The following NFAT5 variants were observed in gnomAD, a reference collection of about 807,000 sequenced individuals.
NFAT5 encodes the protein nuclear factor of activated T cells 5.
In NFAT5, 31 loss-of-function variants were observed where a neutral mutation model predicts 166.5. The observed-to-expected ratio is 0.19, with a 90% CI of 0.14 to 0.25. NFAT5 has a LOEUF of 0.25. NFAT5 is among the 10% of genes least tolerant of loss of function. The pLI is 1.00. For synonymous variants in NFAT5, 612 were observed against 639.7 expected (o/e 0.96, Z 0.65); for missense variants, 1,449 against 1,821.8 (o/e 0.80, Z 3.72).
At chr16:69,589,974 T>C (rs966141995) in intron 2 of NFAT5, among the ~76,000 whole-genome samples, 1 of 151,866 alleles carries the variant, frequency 6.6e-6, no homozygotes, top group Admixed American at 6.6e-5. Context: ...TTGGGCAACA[T>C]AGCAAGACCA....
rs559272481 is a variant in NFAT5, at chr16:69,698,476, G to A, written c.*2125G>A. Reference sequence around the variant, plus strand: ...TTTGTCTGATGTTCTACCACAACGTGGCGTCTGATAACAGTGAGGGGGGGT... The same window carrying A: ...TTTGTCTGATGTTCTACCACAACGTAGCGTCTGATAACAGTGAGGGGGGGT... On this transcript the variant is annotated 3_prime_UTR_variant, in exon 15 of 15. Transcript: ENST00000349945. The A allele has an allele frequency of 3.6e-3, 544 of 151,872 alleles. 6 individuals carry two copies. The highest frequency in any genetic ancestry group is 5.1e-3 in the Non-Finnish European group (348 of 67,896). The allele number at this position is 151,872 out of a possible 1,614,324, so 9.4% of individuals were successfully genotyped here.
In NFAT5 at chr16:69,702,649, C is replaced by T. The variant is rs994139982; in HGVS notation, c.*6298C>T. 7.9e-5 allele frequency: 5 copies of T among 63,600 alleles called. No homozygotes were observed. Among genetic ancestry groups the T allele is most frequent in the Non-Finnish European group, 1.4e-4 (5 of 36,050 alleles). The allele number at this position is 63,600 out of a possible 1,614,324, so 3.9% of individuals were successfully genotyped here. A position where few individuals can be genotyped will look rare whatever the true frequency, so the allele number is the denominator to read the frequency against. On this transcript the variant is annotated 3_prime_UTR_variant, in exon 15 of 15. Coordinates refer to ENST00000349945, the MANE Select transcript of NFAT5 (RefSeq NM_138713.4). ...TGAGTCAGAAACTCTGGAATAGGGCCCCCGCAATCTGTTTTCACAAGCCCT... is the reference window on the plus strand; with the variant it reads ...TGAGTCAGAAACTCTGGAATAGGGCTCCCGCAATCTGTTTTCACAAGCCCT...
intron 6 of NFAT5, among the ~76,000 whole-genome samples, chr16:69,656,688 GT>G (rs1301072723): frequency 6.6e-6 from 1 of 152,046 alleles, no homozygotes; most frequent in Non-Finnish European, 1.5e-5. Context: ...CTGACCTCAG[GT>G]AATCCACACA....
At chr16:69,574,029 A>T (rs2016593782) in intron 2 of NFAT5, among the ~76,000 whole-genome samples, 1 of 151,814 alleles carries the variant, frequency 6.6e-6, no homozygotes, top group East Asian at 1.9e-4. Context: ...GCACCACCAC[A>T]CCTGGCTAAT....
At chr16:69,663,346 A>G (rs1008265528) in intron 7 of NFAT5, among the ~76,000 whole-genome samples, 2 of 152,246 alleles carry the variant, frequency 1.3e-5, no homozygotes, top group East Asian at 3.9e-4. Flanking sequence ...TTACATTCTT[A>G]ACATCTTTCA....
intron 2 of NFAT5, among the ~76,000 whole-genome samples, chr16:69,591,777 G>T (rs2032476034): frequency 6.6e-6 from 1 of 151,962 alleles, no homozygotes; most frequent in South Asian, 2.1e-4. Context: ...GCACTTCATG[G>T]GGCCAAGGCA....
intron 9 of NFAT5, 135 bp downstream of exon 9, chr16:69,670,423 C>G (rs1278470127): frequency 5.2e-6 from 3 of 573,380 alleles, no homozygotes; most frequent in Non-Finnish European, 9.0e-6. Flanking sequence ...AAGTTTCTTT[C>G]TTGAGTTTCT....
At chr16:69,635,494 G>A (rs1441527531) in intron 3 of NFAT5, among the ~76,000 whole-genome samples, 2 of 151,974 alleles carry the variant, frequency 1.3e-5, no homozygotes, top group Admixed American at 1.3e-4. Context: ...ATTCTGTCAT[G>A]TTGACACTCT....
intron 2 of NFAT5, among the ~76,000 whole-genome samples, chr16:69,600,003 G>C (rs2033038167): frequency 1.3e-5 from 2 of 152,086 alleles, no homozygotes; most frequent in Non-Finnish European, 2.9e-5. Flanking sequence ...TAAAGTGTAA[G>C]AGTAAAAGAG....
At chr16:69,643,623 T>A (rs2035312473) in intron 3 of NFAT5, among the ~76,000 whole-genome samples, 1 of 151,384 alleles carries the variant, frequency 6.6e-6, no homozygotes, top group African/African-American at 2.4e-5. Flanking sequence ...TCTAAGTACT[T>A]TGAATTATAT....
intron 13 of NFAT5, 49 bp downstream of exon 13, chr16:69,694,288 G>T: frequency 7.0e-7 from 1 of 1,433,590 alleles, no homozygotes; most frequent in South Asian, 1.3e-5. Context: ...ATTATTATTA[G>T]AAGGAAGCAG....
In NFAT5 at chr16:69,702,588, A is replaced by G. The variant is rs1429844540; in HGVS notation, c.*6237A>G. 1 of 152,308 alleles carries G rather than the reference A, an allele frequency of 6.6e-6. No homozygotes were observed. The highest frequency in any genetic ancestry group is 6.5e-5 in the Admixed American group (1 of 15,284). 9.4% of individuals were successfully genotyped at this position (152,308 alleles called of 1,614,324 possible). Reference sequence around the variant, plus strand: ...TATCAGTATCACCTGGGAACTAGTTAGAAATGTAAATTCTTTGGCCCCATC... The same window carrying G: ...TATCAGTATCACCTGGGAACTAGTTGGAAATGTAAATTCTTTGGCCCCATC... On this transcript the variant is annotated 3_prime_UTR_variant, in exon 15 of 15. Coordinates refer to ENST00000349945, the MANE Select transcript of NFAT5 (RefSeq NM_138713.4).
At chr16:69,633,233 A>G (rs1456720489) in intron 3 of NFAT5, among the ~76,000 whole-genome samples, 5 of 152,202 alleles carry the variant, frequency 3.3e-5, no homozygotes, top group African/African-American at 4.8e-5. Flanking sequence ...ATAAATAAGC[A>G]TATTTTTATA....
chr16:69,662,058 AT>A (rs1157574098), intron 7 of NFAT5, among the ~76,000 whole-genome samples: 9 of 152,218 alleles, frequency 5.9e-5, no homozygotes, highest in Admixed American at 2.0e-4. Flanking sequence ...CCCTGTCTCT[AT>A]TTTTTTAATT....
chr16:69,663,861 A>G (rs1371513332), intron 7 of NFAT5, among the ~76,000 whole-genome samples: 4 of 152,130 alleles, frequency 2.6e-5, no homozygotes, highest in African/African-American at 9.7e-5. Context: ...TGGGCAACAG[A>G]GTGAGGTCTT....
At chr16:69,619,549 T>C (rs1163882411) in intron 2 of NFAT5, among the ~76,000 whole-genome samples, 2 of 152,180 alleles carry the variant, frequency 1.3e-5, no homozygotes, top group African/African-American at 4.8e-5. Context: ...ATAGGATTGA[T>C]TGTTTTGAGG....
At position 69,702,332 on chromosome 16, in the gene NFAT5, G is replaced by A. The variant is rs1250327673; in HGVS notation, c.*5981G>A. 5 of 152,502 alleles carry A rather than the reference G, an allele frequency of 3.3e-5. No individual in the cohort carries two copies. The highest frequency in any genetic ancestry group is 1.2e-4 in the African/African-American group (5 of 41,424). 9.4% of individuals were successfully genotyped at this position (152,502 alleles called of 1,614,324 possible). ...ATGACTATATAGGACTTAAGACTTTGAAATGTAATTTACTTATAAGGGGAA... is the reference window on the plus strand; with the variant it reads ...ATGACTATATAGGACTTAAGACTTTAAAATGTAATTTACTTATAAGGGGAA... On this transcript the variant is annotated 3_prime_UTR_variant, in exon 15 of 15. Coordinates refer to ENST00000349945, the MANE Select transcript of NFAT5 (RefSeq NM_138713.4).
In NFAT5 at chr16:69,647,155, C is replaced by G; in HGVS notation, c.381C>G (p.Ser127=). 8.7e-6 allele frequency: 14 copies of G among 1,614,096 alleles called. No homozygotes were observed. Among genetic ancestry groups the G allele is most frequent in the Non-Finnish European group, 1.2e-5 (14 of 1,179,986 alleles). The change falls in exon 4 of 15, where the codon TCC becomes TCG. Residue 127 remains serine (S), a synonymous_variant. Transcript: ENST00000349945. This position sits in a 1 kb window ranked among gnomAD's most constrained non-coding sequence, Gnocchi z 4.8. The part of the protein sequence containing the change: ...DSKAMQVESC[S]SAVGVSNRGV... ...AGGCTATGCAAGTGGAGAGCTGCTC[C>G]TCAGCCGTGGGGGTAAGTAACAGAG... is the stretch of plus-strand genomic sequence containing the variant.
chr16:69,628,918 T>C (rs2034586168), intron 3 of NFAT5, among the ~76,000 whole-genome samples: 1 of 151,856 alleles, frequency 6.6e-6, no homozygotes, highest in Non-Finnish European at 1.5e-5. Context: ...ACTAAAAATA[T>C]AAAAAATCAG....
Sources: gnomAD v4.1 joint callset for allele counts (sites outside exome capture counted in the v4.1 genomes callset) on GRCh38, gnomAD v4.1.1 for gene constraint, Gnocchi (gnomAD v3.1) non-coding constraint, MANE v1.5 for transcripts, NCBI Gene and HGNC (gene_info 2026-07-23, HGNC 2026-07-21) for gene names.